Variants in GALNT13 observed in about 807,000 individuals in gnomAD.
GALNT13 encodes UDP-GalNAc:polypeptide N-acetylgalactosaminyltransferase 13.
Under a neutral mutation model 64.2 loss-of-function variants are expected in GALNT13, and 28 were observed. The observed-to-expected ratio is 0.44, with a 90% CI of 0.32 to 0.60. GALNT13 has a LOEUF of 0.60. Ranked by LOEUF, GALNT13 falls within the 20% of genes least tolerant of loss-of-function variation. The pLI is 0.05. For missense variants in GALNT13, 577 were observed against 669.8 expected, an observed-to-expected ratio of 0.86 and a Z score of 1.53; for synonymous variants, 214 against 224.6, an observed-to-expected ratio of 0.95 and a Z score of 0.42.
chr2:153,302,757 A>G, the GALNT13 span, among the ~76,000 whole-genome samples: 4 of 152,158 alleles, frequency 2.6e-5, no homozygotes, highest in African/African-American at 7.2e-5. Flanking sequence ...ATTCTTCTGT[A>G]TAAAGCTATT....
At chr2:153,951,621 A>C (rs1692188471) in intron 3 of GALNT13, among the ~76,000 whole-genome samples, 1 of 152,108 alleles carries the variant, frequency 6.6e-6, no homozygotes. Flanking sequence ...ATTTCCTGAG[A>C]GAAGGAAGGA....
chr2:153,683,056 C>A, the GALNT13 span, among the ~76,000 whole-genome samples: 1 of 151,710 alleles, frequency 6.6e-6, no homozygotes, highest in South Asian at 2.1e-4. Flanking sequence ...TTGAGAATAC[C>A]TGAAGCAGAA....
At chr2:153,521,011 C>T in the GALNT13 span, among the ~76,000 whole-genome samples, 24 of 152,224 alleles carry the variant, frequency 1.6e-4, no homozygotes, top group African/African-American at 5.5e-4. Flanking sequence ...TGGTGCATGA[C>T]AGATTTAATT....
chr2:154,405,476 G>T (rs549374854), intron 10 of GALNT13, among the ~76,000 whole-genome samples: 3 of 152,032 alleles, frequency 2.0e-5, no homozygotes, highest in African/African-American at 7.2e-5. Flanking sequence ...GCAGGGTGCA[G>T]TGGCTCACAC....
At chr2:153,513,490 C>T in the GALNT13 span, among the ~76,000 whole-genome samples, 3 of 152,298 alleles carry the variant, frequency 2.0e-5, no homozygotes, top group South Asian at 4.1e-4. Context: ...AGAAAATAAT[C>T]TGAGCAAATT....
the GALNT13 span, among the ~76,000 whole-genome samples, chr2:153,866,533 T>C: frequency 6.6e-6 from 1 of 152,164 alleles, no homozygotes; most frequent in Admixed American, 6.5e-5. Context: ...AAATGACAGA[T>C]GATATAAGGC....
chr2:154,112,793 A>G (rs1162091463), intron 3 of GALNT13, among the ~76,000 whole-genome samples: 1 of 152,142 alleles, frequency 6.6e-6, no homozygotes, highest in Admixed American at 6.5e-5. Flanking sequence ...CCATCTGTGA[A>G]GCATGTCCTA....
the GALNT13 span, among the ~76,000 whole-genome samples, chr2:153,297,196 ATTAT>A: frequency 6.6e-6 from 1 of 152,184 alleles, no homozygotes; most frequent in Non-Finnish European, 1.5e-5. Flanking sequence ...ACTGTGTTAC[ATTAT>A]TTATTCCAGG....
At chr2:153,981,876 T>A (rs1446030621) in intron 3 of GALNT13, among the ~76,000 whole-genome samples, 1 of 152,072 alleles carries the variant, frequency 6.6e-6, no homozygotes, top group Non-Finnish European at 1.5e-5. Context: ...ATGTATATTT[T>A]TCTTGCTAGT....
chr2:153,748,832 C>T, the GALNT13 span, among the ~76,000 whole-genome samples: 8 of 151,692 alleles, frequency 5.3e-5, no homozygotes, highest in African/African-American at 1.9e-4. Flanking sequence ...AGGCACTATT[C>T]AAGAAACTTT....
At chr2:154,054,648 C>T (rs1699809277) in intron 3 of GALNT13, among the ~76,000 whole-genome samples, 1 of 151,820 alleles carries the variant, frequency 6.6e-6, no homozygotes. Flanking sequence ...AATTGAATAT[C>T]CTTCTTTTTT....
the GALNT13 span, among the ~76,000 whole-genome samples, chr2:153,586,075 A>C: frequency 0.16 from 23,601 of 152,106 alleles, 1,950 homozygotes; most frequent in African/African-American, 0.2. Context: ...AAGGAGGAAG[A>C]GAAAGGAATC....
intron 9 of GALNT13, among the ~76,000 whole-genome samples, chr2:154,302,356 T>C (rs182645870): frequency 7.3e-4 from 111 of 152,304 alleles, no homozygotes; most frequent in African/African-American, 2.6e-3. Context: ...ACTGTTTTTA[T>C]ATAGGCCTTA....
At chr2:153,855,320 A>G in the GALNT13 span, among the ~76,000 whole-genome samples, 2 of 152,228 alleles carry the variant, frequency 1.3e-5, no homozygotes, top group African/African-American at 2.4e-5. Context: ...CACCTAATGC[A>G]TTAAACATAA....
At chr2:153,784,586 G>A in the GALNT13 span, among the ~76,000 whole-genome samples, 1 of 152,308 alleles carries the variant, frequency 6.6e-6, no homozygotes, top group East Asian at 1.9e-4. Flanking sequence ...AGTCTAGGCA[G>A]AGCAGCCACT....
chr2:153,255,164 G>A, the GALNT13 span, among the ~76,000 whole-genome samples: 14 of 150,720 alleles, frequency 9.3e-5, no homozygotes, highest in Admixed American at 3.3e-4. Context: ...TGTATTGGGT[G>A]CATATATATT....
the GALNT13 span, among the ~76,000 whole-genome samples, chr2:153,753,538 C>T: frequency 2.0e-5 from 3 of 152,164 alleles, no homozygotes; most frequent in Non-Finnish European, 2.9e-5. Context: ...CAGGAGAATT[C>T]TCTGGATTAC....
At chr2:153,619,065 A>G in the GALNT13 span, among the ~76,000 whole-genome samples, 4 of 151,654 alleles carry the variant, frequency 2.6e-5, no homozygotes, top group Non-Finnish European at 5.9e-5. Flanking sequence ...CCATTTTGTT[A>G]TATTTCTGGT....
intron 3 of GALNT13, among the ~76,000 whole-genome samples, chr2:153,969,123 T>A (rs1465989828): frequency 6.6e-6 from 1 of 152,078 alleles, no homozygotes; most frequent in Admixed American, 6.5e-5. Flanking sequence ...GTGTAGAAAA[T>A]CTTTATGTAT....
Sources: gnomAD v4.1 joint callset for allele counts (sites outside exome capture counted in the v4.1 genomes callset) on GRCh38, gnomAD v4.1.1 for gene constraint, MANE v1.5 for transcripts, NCBI Gene and HGNC (gene_info 2026-07-23, HGNC 2026-07-21) for gene names.